The following DCHS2 variants were observed in gnomAD, a reference collection of about 807,000 sequenced individuals.
The protein encoded by DCHS2 is dachsous cadherin-related 2, also known as protocadherin-23.
DCHS2 carries 142 observed loss-of-function variants against 182.4 expected under a neutral mutation model. The ratio of observed to expected loss-of-function variants is 0.78; its 90% CI spans 0.68 to 0.89. DCHS2 has a LOEUF of 0.89. Ranked by LOEUF, DCHS2 falls within the 40% of genes least tolerant of loss-of-function variation. DCHS2 has a pLI of 0.00. For missense variants in DCHS2, 4,319 were observed against 4,198.6 expected, an observed-to-expected ratio of 1.03 and a Z score of -0.79; for synonymous variants, 1,740 against 1,663.3, an observed-to-expected ratio of 1.05 and a Z score of -1.12.
intron 3 of DCHS2, among the ~76,000 whole-genome samples, chr4:154,360,361 TAA>T (rs1730061654): frequency 6.6e-6 from 1 of 152,104 alleles, no homozygotes; most frequent in Non-Finnish European, 1.5e-5. Context: ...AGCTAATTTG[TAA>T]GGTTCTTTCC....
intron 13 of DCHS2, among the ~76,000 whole-genome samples, chr4:154,283,672 A>G (rs145659832): frequency 6.0e-4 from 91 of 152,342 alleles, no homozygotes; most frequent in Non-Finnish European, 1.0e-3. Flanking sequence ...TGATCCCTAG[A>G]TGTTCCAACT....
chr4:154,491,201 A>G lies in DCHS2; in HGVS notation c.155T>C (p.Val52Ala). The G allele has an allele frequency of 6.4e-7, 1 of 1,551,408 alleles. No homozygotes were observed. The highest frequency in any genetic ancestry group is 8.7e-7 in the Non-Finnish European group (1 of 1,146,940). The change falls in exon 1 of 20, where the codon GTG (valine) becomes GCG (alanine). Residue 52 changes from valine (V) to alanine (A), a missense_variant. Physicochemically the swap from Val to Ala is moderately conservative, Grantham distance 64. Coordinates refer to ENST00000357232, the MANE Select transcript of DCHS2 (RefSeq NM_001358235.2). The part of the protein sequence containing the change: ...RTQRSLLWLL[V>A]HVWLWAASGS... Reference sequence around the variant, plus strand: ...CGAGGCCGCCCACAGCCACACGTGCACCAAGAGCCAGAGCAGGGAGCGCTG... The same window carrying G: ...CGAGGCCGCCCACAGCCACACGTGCGCCAAGAGCCAGAGCAGGGAGCGCTG...
intron 16 of DCHS2, among the ~76,000 whole-genome samples, chr4:154,246,469 CAG>C (rs759826979): frequency 6.6e-6 from 1 of 152,090 alleles, no homozygotes; most frequent in Non-Finnish European, 1.5e-5. Context: ...CTAGCCCACT[CAG>C]AGGTTCTAAT....
Position 154,490,036 on chromosome 4 carries a change from C to T in DCHS2, c.1320G>A (p.Ser440=), listed in dbSNP as rs1377788934. The T allele has an allele frequency of 2.6e-6, 4 of 1,547,746 alleles. No homozygotes were observed. The highest frequency in any genetic ancestry group is 2.0e-5 in the Admixed American group (1 of 51,004). Residue 440 remains serine, a synonymous_variant, in exon 1 of 20, where the codon TCG becomes TCA. Transcript: ENST00000357232. The part of the protein sequence containing the change: ...ARPGDYVARV[S]VSDADGDWEK... ...CCCAGTCACCGTCCGCGTCAGACAC[C>T]GAGACGCGAGCCACGTAGTCGCCCG...
chr4:154,317,191 T>A (rs1222605514), intron 9 of DCHS2, among the ~76,000 whole-genome samples: 3 of 152,206 alleles, frequency 2.0e-5, no homozygotes, highest in African/African-American at 7.2e-5. Context: ...TTGAAAAACA[T>A]CTCCATTGAA....
chr4:154,298,187 A>G lies in DCHS2; in HGVS notation c.6127T>C (p.Phe2043Leu). ...DNDPVLEQNP[F>L]DVFLSPESPT... ...GACTCGGGGGAAAGAAACACATCAA[A>G]AGGGTTCTGTTCCAAAACTGGATCA... is the stretch of plus-strand genomic sequence containing the variant. Residue 2043 changes from phenylalanine to leucine, a missense_variant, in exon 13 of 20, where the codon TTT becomes CTT. Transcript: ENST00000357232. 1.9e-6 allele frequency: 3 copies of G among 1,614,088 alleles called. No individual in the cohort carries two copies. The highest frequency in any genetic ancestry group is 2.5e-6 in the Non-Finnish European group (3 of 1,179,998).
At chr4:154,369,148 A>G (rs554125671) in intron 2 of DCHS2, among the ~76,000 whole-genome samples, 1 of 152,334 alleles carries the variant, frequency 6.6e-6, no homozygotes, top group South Asian at 2.1e-4. Context: ...CCTCAATGAA[A>G]TGACAAGATC....
chr4:154,412,872 G>A (rs1034499346), intron 1 of DCHS2, among the ~76,000 whole-genome samples: 8 of 152,154 alleles, frequency 5.3e-5, no homozygotes, highest in Non-Finnish European at 7.3e-5. Context: ...GGTCTTGTTC[G>A]ACACAGTGAC....
intron 1 of DCHS2, among the ~76,000 whole-genome samples, chr4:154,425,383 G>C (rs1254210907): frequency 6.6e-6 from 1 of 152,206 alleles, no homozygotes; most frequent in Non-Finnish European, 1.5e-5. Flanking sequence ...TGAGCTGAGT[G>C]CATTTCTTCC....
At chr4:154,260,484 T>C (rs571863604) in intron 14 of DCHS2, among the ~76,000 whole-genome samples, 26 of 152,320 alleles carry the variant, frequency 1.7e-4, no homozygotes, top group Non-Finnish European at 3.4e-4. Flanking sequence ...GTTTTCATTC[T>C]GAATTTAATA....
At chr4:154,377,549 C>A in intron 1 of DCHS2, 105 bp from the exon 2 acceptor site, 1 of 853,196 alleles carries the variant, frequency 1.2e-6, no homozygotes, top group Non-Finnish European at 1.8e-6. Flanking sequence ...ACCCCCATAG[C>A]TATTCACAAA....
intron 16 of DCHS2, among the ~76,000 whole-genome samples, chr4:154,251,787 A>G (rs1578859359): frequency 6.6e-6 from 1 of 152,098 alleles, no homozygotes; most frequent in Non-Finnish European, 1.5e-5. Flanking sequence ...CCAAAGTGCT[A>G]GGATTACAGG....
At chr4:154,362,524 G>T (rs1040308711) in intron 3 of DCHS2, among the ~76,000 whole-genome samples, 1 of 152,136 alleles carries the variant, frequency 6.6e-6, no homozygotes, top group African/African-American at 2.4e-5. Context: ...CATATGATGG[G>T]AGCAAGAAAG....
At chr4:154,256,088 T>A (rs772391100) in intron 15 of DCHS2, among the ~76,000 whole-genome samples, 7 of 152,206 alleles carry the variant, frequency 4.6e-5, no homozygotes, top group Non-Finnish European at 1.0e-4. Flanking sequence ...TTTTTCTGCT[T>A]AAAGAATTAC....
rs1011811719 is a variant in DCHS2 at position 154,235,052 on chromosome 4, A to G, written c.9600T>C (p.Val3200=). The G allele has an allele frequency of 2.5e-6, 4 of 1,613,964 alleles. No homozygotes were observed. In the African/African-American group the frequency reaches 5.3e-5, roughly 22 times the overall value. The change falls in exon 20 of 20, where the codon GTT becomes GTC. Residue 3200 remains valine, a synonymous_variant. Coordinates refer to ENST00000357232, the MANE Select transcript of DCHS2 (RefSeq NM_001358235.2). The part of the protein sequence containing the change: ...REAKESILAD[V]RKESVFISGD... ...CTGAAATAAAGACAGACTCTTTTCT[A>G]ACGTCAGCCAGGATGCTCTCTTTTG...
At chr4:154,372,022 G>A (rs1348192037) in intron 2 of DCHS2, among the ~76,000 whole-genome samples, 3 of 152,184 alleles carry the variant, frequency 2.0e-5, no homozygotes, top group Non-Finnish European at 4.4e-5. Flanking sequence ...ACTGGGCAGG[G>A]TGGGGAGGAG....
chr4:154,248,240 A>G (rs2111128022), intron 16 of DCHS2, among the ~76,000 whole-genome samples: 1 of 152,368 alleles, frequency 6.6e-6, no homozygotes, highest in African/African-American at 2.4e-5. Flanking sequence ...GAATAGATTC[A>G]TATAATATAA....
At chr4:154,252,249 G>A (rs1435623551) in intron 16 of DCHS2, among the ~76,000 whole-genome samples, 1 of 152,172 alleles carries the variant, frequency 6.6e-6, no homozygotes, top group African/African-American at 2.4e-5. Context: ...GGCATGCAAT[G>A]TGTATCAATT....
intron 3 of DCHS2, chr4:154,357,095 T>C (rs984996655): frequency 1.1e-5 from 7 of 628,458 alleles, no homozygotes; most frequent in Non-Finnish European, 2.0e-5. Context: ...AGTAAAATAA[T>C]CTAACATCAA....
Sources: gnomAD v4.1 joint callset for allele counts (sites outside exome capture counted in the v4.1 genomes callset) on GRCh38, gnomAD v4.1.1 for gene constraint, MANE v1.5 for transcripts, NCBI Gene and HGNC (gene_info 2026-07-23, HGNC 2026-07-21) for gene names.